Variants in PTPRD observed in about 807,000 individuals in gnomAD.
PTPRD encodes receptor-type tyrosine-protein phosphatase delta.
PTPRD carries 34 observed loss-of-function variants against 214.5 expected under a neutral mutation model. The ratio of observed to expected loss-of-function variants is 0.16; its 90% CI spans 0.12 to 0.21. The LOEUF is 0.21. Among genes scored for constraint, PTPRD ranks in the 10% least tolerant of loss-of-function variants. The probability of loss-of-function intolerance (pLI) is 1.00; values close to 1 mark genes in which losing one functional copy is unlikely to be tolerated. For synonymous variants in PTPRD, 1,128 were observed against 845.7 expected, an observed-to-expected ratio of 1.33 and a Z score of -5.79; for missense variants, 2,545 against 2,398.7, an observed-to-expected ratio of 1.06 and a Z score of -1.27.
rs1251429330 is a variant in PTPRD, at chr9:10,271,534, C to CTTTTTTTTTTTTTTTTTTTTTTTT, written c.-545+69428_-545+69429insAAAAAAAAAAAAAAAAAAAAAAAA. Reference sequence around the variant, plus strand: ...CCAATACTGATAAATTCAATTGTTTCTTTTCTTTTCTTTTCTTTTTTTTTT... The same window carrying CTTTTTTTTTTTTTTTTTTTTTTTT: ...CCAATACTGATAAATTCAATTGTTTCTTTTTTTTTTTTTTTTTTTTTTTTTTTTCTTTTCTTTTCTTTTTTTTTT... On this transcript the variant is annotated intron_variant, in intron 3 of 45. Coordinates refer to ENST00000381196, the MANE Select transcript of PTPRD (RefSeq NM_002839.4). 2.3e-5 allele frequency among the ~76,000 whole-genome samples: 2 copies of CTTTTTTTTTTTTTTTTTTTTTTTT among 86,572 alleles called. 1 individual carries two copies. 56.8% of individuals were successfully genotyped at this position (86,572 alleles called of 152,430 possible).
chr9:8,618,293 T>C (rs1484742614), intron 14 of PTPRD, among the ~76,000 whole-genome samples: 2 of 152,104 alleles, frequency 1.3e-5, no homozygotes, highest in Non-Finnish European at 2.9e-5. Context: ...GATTACCATG[T>C]CCCTTAATCT....
At chr9:8,367,169 A>C (rs897495431) in intron 39 of PTPRD, among the ~76,000 whole-genome samples, 2 of 152,216 alleles carry the variant, frequency 1.3e-5, no homozygotes, top group Non-Finnish European at 2.9e-5. Context: ...TTATAATTAA[A>C]GTAAGTCTCA....
At chr9:9,066,241 G>A (rs773466642) in intron 10 of PTPRD, among the ~76,000 whole-genome samples, 2 of 148,756 alleles carry the variant, frequency 1.3e-5, no homozygotes, top group African/African-American at 5.0e-5. Flanking sequence ...GTGTAGGATC[G>A]GTGTTACTTC....
At chr9:8,788,277 T>TTA (rs1555340222) in intron 11 of PTPRD, among the ~76,000 whole-genome samples, 2 of 58,490 alleles carry the variant, frequency 3.4e-5, no homozygotes, top group East Asian at 1.2e-3. Context: ...TTTTTTTTTT[T>TTA]TGTGTGTGTG....
At chr9:8,565,485 T>G (rs978499131) in intron 14 of PTPRD, among the ~76,000 whole-genome samples, 35 of 152,178 alleles carry the variant, frequency 2.3e-4, no homozygotes, top group Admixed American at 2.0e-3. Context: ...TATGCATGAG[T>G]AGTGTTTCAG....
At chr9:9,984,984 G>T (rs980375675) in intron 4 of PTPRD, among the ~76,000 whole-genome samples, 2 of 152,252 alleles carry the variant, frequency 1.3e-5, no homozygotes, top group Middle Eastern at 3.4e-3. Context: ...TCACTATAAA[G>T]GAGAGATGCT....
intron 35 of PTPRD, among the ~76,000 whole-genome samples, chr9:8,425,857 G>A (rs1031758284): frequency 2.0e-5 from 3 of 152,002 alleles, no homozygotes; most frequent in Admixed American, 6.6e-5. Context: ...AGAGACATCA[G>A]GACAGTTTCC....
chr9:10,267,678 T>A (rs1170702317), intron 3 of PTPRD, among the ~76,000 whole-genome samples: 1 of 152,228 alleles, frequency 6.6e-6, no homozygotes, highest in Non-Finnish European at 1.5e-5. Flanking sequence ...CTTAAATGCT[T>A]ATGCATTTGA....
chr9:8,646,666 CT>C (rs940496758), intron 12 of PTPRD, among the ~76,000 whole-genome samples: 3 of 152,188 alleles, frequency 2.0e-5, no homozygotes, highest in Admixed American at 6.5e-5. Context: ...TTCGACTCCC[CT>C]ATCACGCTTT....
intron 5 of PTPRD, among the ~76,000 whole-genome samples, chr9:9,853,755 G>A (rs1289356753): frequency 6.6e-6 from 1 of 151,986 alleles, no homozygotes; most frequent in Non-Finnish European, 1.5e-5. Flanking sequence ...CACCATGTTG[G>A]CCAGGATGGT....
intron 3 of PTPRD, among the ~76,000 whole-genome samples, chr9:10,145,715 G>T (rs549412713): frequency 6.6e-6 from 1 of 152,106 alleles, no homozygotes; most frequent in South Asian, 2.1e-4. Flanking sequence ...CAGCATGTGT[G>T]TATGTGTATA....
At chr9:9,913,074 C>T (rs1471145759) in intron 5 of PTPRD, among the ~76,000 whole-genome samples, 3 of 151,800 alleles carry the variant, frequency 2.0e-5, no homozygotes, top group Non-Finnish European at 2.9e-5. Flanking sequence ...AATATGTGAT[C>T]GATCATAAAT....
intron 4 of PTPRD, among the ~76,000 whole-genome samples, chr9:9,965,924 CAT>C (rs1186312941): frequency 6.6e-6 from 1 of 152,182 alleles, no homozygotes; most frequent in Non-Finnish European, 1.5e-5. Flanking sequence ...TATGATTTAA[CAT>C]ATCAACAGAT....
At chr9:9,683,171 G>T (rs898831497) in intron 7 of PTPRD, among the ~76,000 whole-genome samples, 1 of 151,784 alleles carries the variant, frequency 6.6e-6, no homozygotes, top group African/African-American at 2.4e-5. Flanking sequence ...AATAAGTTAG[G>T]CAGTCCCTGA....
intron 9 of PTPRD, among the ~76,000 whole-genome samples, chr9:9,277,116 C>T (rs1029211582): frequency 1.3e-4 from 19 of 151,418 alleles, no homozygotes; most frequent in South Asian, 2.1e-4. Context: ...CTCTCCTAAA[C>T]TACTATTTTA....
chr9:8,344,431 A>G (rs2132699944), intron 39 of PTPRD, among the ~76,000 whole-genome samples: 1 of 151,028 alleles, frequency 6.6e-6, no homozygotes, highest in Admixed American at 6.7e-5. Context: ...TCTAAACAGT[A>G]TCAACCTTTT....
intron 3 of PTPRD, among the ~76,000 whole-genome samples, chr9:10,254,865 A>T (rs2093117303): frequency 6.6e-6 from 1 of 152,100 alleles, no homozygotes; most frequent in Non-Finnish European, 1.5e-5. Context: ...AAGCAGCAAT[A>T]ATTGCAGTGT....
intron 39 of PTPRD, among the ~76,000 whole-genome samples, chr9:8,356,740 G>A (rs1393899784): frequency 1.3e-5 from 2 of 152,108 alleles, no homozygotes; most frequent in Admixed American, 6.6e-5. Flanking sequence ...CAGGCAGGCT[G>A]ATTTCCTTTC....
intron 8 of PTPRD, among the ~76,000 whole-genome samples, chr9:9,548,004 A>G (rs1382872816): frequency 1.3e-5 from 2 of 152,068 alleles, no homozygotes; most frequent in Admixed American, 6.6e-5. Context: ...AAATCTTTCA[A>G]GAGTTGAAAG....
Sources: gnomAD v4.1 joint callset for allele counts (sites outside exome capture counted in the v4.1 genomes callset) on GRCh38, gnomAD v4.1.1 for gene constraint, MANE v1.5 for transcripts, NCBI Gene and HGNC (gene_info 2026-07-23, HGNC 2026-07-21) for gene names.